CHIA: variants seen among roughly 807,000 people sequenced by gnomAD.
CHIA encodes acidic mammalian chitinase.
CHIA carries 47 observed loss-of-function variants against 53.5 expected under a neutral mutation model. That is an observed-to-expected ratio of 0.88 (90% CI 0.70 to 1.12). The LOEUF is 1.12. CHIA is among the 50% of genes most tolerant of loss of function. The probability of loss-of-function intolerance (pLI) is 0.00; values close to 1 mark genes in which losing one functional copy is unlikely to be tolerated. For missense variants in CHIA, 652 were observed against 592.2 expected (o/e 1.10, Z -1.05); for synonymous variants, 268 against 222.2 (o/e 1.21, Z -1.83).
chr1:111,298,469 G>A (rs1647402513), intron 1 of CHIA, among the ~76,000 whole-genome samples: 1 of 152,172 alleles, frequency 6.6e-6, no homozygotes, highest in Non-Finnish European at 1.5e-5. Flanking sequence ...TACATGGAAA[G>A]TGAACAACCT....
intron 1 of CHIA, among the ~76,000 whole-genome samples, chr1:111,308,829 G>A (rs1306847320): frequency 1.3e-5 from 2 of 152,124 alleles, no homozygotes; most frequent in African/African-American, 4.8e-5. Context: ...TTTTGATTCT[G>A]TGAGTTTCTT....
chr1:111,304,922 G>T (rs566662841), intron 1 of CHIA, among the ~76,000 whole-genome samples: 2 of 151,978 alleles, frequency 1.3e-5, no homozygotes, highest in African/African-American at 4.8e-5. Flanking sequence ...TTGGTTTCTT[G>T]TCTTTTTTGT....
chr1:111,310,106 A>T (rs918743152), intron 1 of CHIA, among the ~76,000 whole-genome samples: 1 of 152,218 alleles, frequency 6.6e-6, no homozygotes. Flanking sequence ...ACTTGCTTTG[A>T]TGCCAGACAC....
intron 1 of CHIA, among the ~76,000 whole-genome samples, chr1:111,303,110 C>CTCCA (rs1462683568): frequency 2.6e-5 from 4 of 152,090 alleles, no homozygotes; most frequent in African/African-American, 9.6e-5. Context: ...GAATACCTGT[C>CTCCA]TCCATCCTTT....
Position 111,319,554 on chromosome 1 carries a change from T to C in CHIA, c.1177+86T>C, listed in dbSNP as rs115025779. The C allele has an allele frequency of 1.5e-3, 1,927 of 1,298,304 alleles. 24 individuals carry two copies. In the African/African-American group the frequency reaches 0.023, roughly 15 times the overall value. The allele number at this position is 1,298,304 out of a possible 1,614,324, so 80.4% of individuals were successfully genotyped here. A position where few individuals can be genotyped will look rare whatever the true frequency, so the allele number is the denominator to read the frequency against. ...ACCCTGATGTCTTCCCACCTCCCCCTTGCCCAGGGATCCTCTTTCCACTTC... is the reference window on the plus strand; with the variant it reads ...ACCCTGATGTCTTCCCACCTCCCCCCTGCCCAGGGATCCTCTTTCCACTTC... On this transcript the variant is annotated intron_variant, in intron 11 of 11. Transcript: ENST00000369740.
At chr1:111,297,181 C>A (rs1291843474) in intron 1 of CHIA, among the ~76,000 whole-genome samples, 2 of 152,148 alleles carry the variant, frequency 1.3e-5, no homozygotes, top group East Asian at 3.9e-4. Flanking sequence ...ACTTCCGCAA[C>A]CTAGCAAGGT....
chr1:111,291,781 A>C (rs1661035165), intron 1 of CHIA, among the ~76,000 whole-genome samples: 1 of 148,862 alleles, frequency 6.7e-6, no homozygotes, highest in African/African-American at 2.5e-5. Flanking sequence ...AATTGTAATA[A>C]TGAGAATACA....
At chr1:111,293,259 T>TGAGG (rs1661135562) in intron 1 of CHIA, among the ~76,000 whole-genome samples, 4 of 152,342 alleles carry the variant, frequency 2.6e-5, no homozygotes, top group African/African-American at 9.6e-5. Flanking sequence ...TTTTCTGTTT[T>TGAGG]TTGATAGTAG....
chr1:111,311,136 C>T (rs1045306783), intron 2 of CHIA, among the ~76,000 whole-genome samples: 1 of 152,198 alleles, frequency 6.6e-6, no homozygotes, highest in South Asian at 2.1e-4. Context: ...AATGAAACCT[C>T]AAGCTCAATT....
chr1:111,296,799 C>T (rs1248047696), intron 1 of CHIA, among the ~76,000 whole-genome samples: 1 of 152,114 alleles, frequency 6.6e-6, no homozygotes, highest in African/African-American at 2.4e-5. Flanking sequence ...CATGTTTGAA[C>T]CCATCACAAG....
At chr1:111,295,389 T>C (rs1557730871) in intron 1 of CHIA, among the ~76,000 whole-genome samples, 1 of 152,188 alleles carries the variant, frequency 6.6e-6, no homozygotes, top group Non-Finnish European at 1.5e-5. Context: ...TGGTTATAAG[T>C]CTATTCTAAT....
Position 111,312,365 on chromosome 1 carries a change from C to T in CHIA, c.231C>T (p.Tyr77=). 1 of 1,614,086 alleles carries T rather than the reference C, an allele frequency of 6.2e-7. No individual in the cohort carries two copies. Among genetic ancestry groups the T allele is most frequent in the South Asian group, 1.1e-5 (1 of 91,076 alleles). ...TTIEWNDVTL[Y]QAFNGLKNKN... is the part of the protein sequence containing the mutation. ...TCGAATGGAATGATGTGACTCTCTA[C>T]CAAGCTTTCAATGGCCTGAAAAATA... Residue 77 remains tyrosine (Y), a synonymous_variant, in exon 4 of 12, where the codon TAC becomes TAT. Transcript: ENST00000369740.
chr1:111,310,527 A>C, intron 2 of CHIA, 35 bp downstream of exon 2: 1 of 1,613,890 alleles, frequency 6.2e-7, no homozygotes, highest in Non-Finnish European at 8.5e-7. Flanking sequence ...CCTTCATCTT[A>C]TCTAGTTTCT....
chr1:111,297,042 A>G (rs1248396104), intron 1 of CHIA, among the ~76,000 whole-genome samples: 1 of 152,242 alleles, frequency 6.6e-6, no homozygotes, highest in African/African-American at 2.4e-5. Context: ...GTAAAATGAA[A>G]CAAACAAAGC....
At chr1:111,291,269 C>T (rs1213084154) in intron 1 of CHIA, among the ~76,000 whole-genome samples, 1 of 152,098 alleles carries the variant, frequency 6.6e-6, no homozygotes, top group African/African-American at 2.4e-5. Flanking sequence ...CTCAAATGCC[C>T]ATCAATGATA....
chr1:111,319,550 C>A (rs570017320), intron 11 of CHIA, 82 bp downstream of exon 11: 9 of 1,351,554 alleles, frequency 6.7e-6, no homozygotes, highest in Non-Finnish European at 9.3e-6. Flanking sequence ...TTCCCACCTC[C>A]CCCTTGCCCA....
intron 1 of CHIA, among the ~76,000 whole-genome samples, chr1:111,309,384 G>T (rs1313280829): frequency 1.3e-5 from 2 of 152,156 alleles, no homozygotes; most frequent in Admixed American, 6.5e-5. Flanking sequence ...CCCGCCAACT[G>T]CATTCCTGGT....
intron 1 of CHIA, among the ~76,000 whole-genome samples, chr1:111,304,931 G>T (rs1648056841): frequency 1.3e-5 from 2 of 151,902 alleles, no homozygotes; most frequent in African/African-American, 4.8e-5. Flanking sequence ...TGTCTTTTTT[G>T]TATTTTTTAT....
At chr1:111,309,533 A>T (rs1457110455) in intron 1 of CHIA, among the ~76,000 whole-genome samples, 2 of 152,238 alleles carry the variant, frequency 1.3e-5, no homozygotes, top group African/African-American at 4.8e-5. Flanking sequence ...TGGGATAGGC[A>T]GTGAGGATAA....
Sources: allele counts gnomAD v4.1 joint callset (sites outside exome capture counted in the v4.1 genomes callset), GRCh38; gene constraint gnomAD v4.1.1; transcripts MANE v1.5; gene names NCBI Gene and HGNC (gene_info 2026-07-23, HGNC 2026-07-21).